Variants in GK observed in about 807,000 individuals in gnomAD.
The protein encoded by GK is glycerol kinase, also known as ATP:glycerol 3-phosphotransferase.
Under a neutral mutation model 56.4 loss-of-function variants are expected in GK, and 9 were observed. That is an observed-to-expected ratio of 0.16 (90% CI 0.10 to 0.28). The LOEUF (loss-of-function observed/expected upper bound fraction) is 0.28, where lower values mean the gene tolerates loss of function less well. GK is among the 10% of genes least tolerant of loss of function. The probability of loss-of-function intolerance (pLI) is 1.00; values close to 1 mark genes in which losing one functional copy is unlikely to be tolerated. For missense variants in GK, 161 were observed against 431.4 expected (o/e 0.37, Z 5.55); for synonymous variants, 104 against 144.1 (o/e 0.72, Z 1.99).
intron 13 of GK, among the ~76,000 whole-genome samples, chrX:30,712,436 T>A (rs1302753472): frequency 9.0e-6 from 1 of 111,559 alleles, no homozygotes; most frequent in Non-Finnish European, 1.9e-5. Flanking sequence ...AGTTTACTCA[T>A]CCTCTCTATC....
chrX:30,726,127 A>G (rs1282214112), intron 19 of GK, among the ~76,000 whole-genome samples: 1 of 111,714 alleles, frequency 9.0e-6, no homozygotes, highest in African/African-American at 3.3e-5. Context: ...AATTTAAAAT[A>G]CTAAGAAAAA....
At chrX:30,691,888 TATTGA>T (rs72443662) in intron 5 of GK, among the ~76,000 whole-genome samples, 4,134 of 111,099 alleles carry the variant, frequency 0.037, 203 homozygotes, top group African/African-American at 0.13. Flanking sequence ...TCTAGCCCTT[TATTGA>T]ACCCCTCTTC....
At chrX:30,664,093 T>C (rs1932893693) in intron 1 of GK, among the ~76,000 whole-genome samples, 1 of 36,396 alleles carries the variant, frequency 2.7e-5, no homozygotes, top group African/African-American at 1.1e-4. Context: ...TATATATATC[T>C]ATATATATTT....
chrX:30,699,660 G>A (rs762540202), intron 9 of GK, among the ~76,000 whole-genome samples: 4 of 110,160 alleles, frequency 3.6e-5, no homozygotes, highest in East Asian at 2.9e-4. Context: ...CACAGTGCCC[G>A]GCTGGGGATC....
chrX:30,677,275 A>T lies in GK; in HGVS notation c.260-100A>T. The T allele has an allele frequency of 7.2e-6, 4 of 554,793 alleles. No individual in the cohort carries two copies. The Admixed American group carries it at 9.4e-5, about 13-fold the overall frequency. The allele number at this position is 554,793 out of a possible 1,213,427, so 45.7% of individuals were successfully genotyped here. A position where few individuals can be genotyped will look rare whatever the true frequency, so the allele number is the denominator to read the frequency against. ...GTTTCAAGTATTTTTTTGATTTGCT[A>T]TGTTTAGTTGTGTCTCTAGTAAGAT... is the stretch of plus-strand genomic sequence containing the variant. On this transcript the variant is annotated intron_variant, in intron 3 of 20. Coordinates refer to ENST00000427190, the MANE Select transcript of GK (RefSeq NM_001205019.2).
At position 30,720,503 on chromosome X, in the gene GK, C is replaced by T. The variant is rs1936846504; in HGVS notation, c.1237-118C>T. 3 of 683,773 alleles carry T rather than the reference C, an allele frequency of 4.4e-6. No individual in the cohort carries two copies. The South Asian group carries it at 6.8e-5, about 16-fold the overall frequency. 56.4% of individuals were successfully genotyped at this position (683,773 alleles called of 1,213,427 possible). A position where few individuals can be genotyped will look rare whatever the true frequency, so the allele number is the denominator to read the frequency against. The stretch of plus-strand genomic sequence containing the variant: ...GGCTTAGAAGACCAGAATAAGAAGT[C>T]TCAATTTATTCCATAGGCTCTTGGA... On this transcript the variant is annotated intron_variant, in intron 16 of 20. Transcript: ENST00000427190.
chrX:30,696,580 A>T, intron 7 of GK, 37 bp from the exon 8 acceptor site: 1 of 966,483 alleles, frequency 1.0e-6, no homozygotes, highest in Non-Finnish European at 1.5e-6. Context: ...ATGTCTATTT[A>T]AAACAGTGTT....
At chrX:30,701,847 T>C (rs1042366800) in intron 11 of GK, among the ~76,000 whole-genome samples, 1 of 111,281 alleles carries the variant, frequency 9.0e-6, no homozygotes, top group African/African-American at 3.3e-5. Context: ...AGAAGATGAC[T>C]CCCACTTTAG....
intron 1 of GK, among the ~76,000 whole-genome samples, chrX:30,656,065 T>A (rs190312069): frequency 8.9e-6 from 1 of 112,160 alleles, no homozygotes; most frequent in Non-Finnish European, 1.9e-5. Context: ...AAAAAAACCG[T>A]AGAGATCCTG....
chrX:30,698,020 G>A (rs926521754), intron 9 of GK, among the ~76,000 whole-genome samples: 6 of 111,880 alleles, frequency 5.4e-5, no homozygotes, highest in Non-Finnish European at 1.1e-4. Context: ...CAACTGTGAT[G>A]TGCTTTGGGC....
intron 20 of GK, among the ~76,000 whole-genome samples, chrX:30,727,885 A>T (rs773069207): frequency 1.2e-4 from 13 of 111,854 alleles, no homozygotes; most frequent in Non-Finnish European, 2.3e-4. Context: ...TATACTTTTG[A>T]CATTAATTAA....
chrX:30,724,917 G>A (rs922903026), intron 19 of GK, among the ~76,000 whole-genome samples: 7 of 108,195 alleles, frequency 6.5e-5, no homozygotes, highest in Admixed American at 9.9e-5. Flanking sequence ...GTCTCGCTCC[G>A]TCACCCAGGC....
At chrX:30,669,949 AT>A (rs1933368405) in intron 3 of GK, among the ~76,000 whole-genome samples, 2 of 112,609 alleles carry the variant, frequency 1.8e-5, no homozygotes, top group Admixed American at 9.4e-5. Context: ...GTTATTGCAG[AT>A]TTTTTAAAAG....
At chrX:30,713,925 A>C (rs1235758644) in intron 13 of GK, among the ~76,000 whole-genome samples, 1 of 112,301 alleles carries the variant, frequency 8.9e-6, no homozygotes, top group East Asian at 2.8e-4. Flanking sequence ...AGATTTCCTG[A>C]GGCCAGGGTA....
In GK at chrX:30,696,655, G is replaced by A. The variant is rs868370442; in HGVS notation, c.701G>A (p.Arg234Gln). Residue 234 changes from arginine to glutamine, a missense_variant, in exon 8 of 21, where the codon CGG (arginine) becomes CAG (glutamine). Physicochemically the swap from Arg to Gln is conservative, Grantham distance 43 (BLOSUM62 1). Transcript: ENST00000427190. Reference sequence around the variant, plus strand: ...CCAATGGAAATTCTTCCAAATGTCCGGAGTTCTTCTGAGATCTATGGCCTA... The same window carrying A: ...CCAATGGAAATTCTTCCAAATGTCCAGAGTTCTTCTGAGATCTATGGCCTA... ...GIPMEILPNV[R>Q]SSSEIYGLMK... 4 of 1,196,984 alleles carry A rather than the reference G, an allele frequency of 3.3e-6. No homozygotes were observed. Among genetic ancestry groups the A allele is most frequent in the Admixed American group, 4.4e-5 (2 of 45,382 alleles).
intron 4 of GK, among the ~76,000 whole-genome samples, chrX:30,683,297 C>T (rs181646275): frequency 2.1e-4 from 23 of 111,011 alleles, no homozygotes; most frequent in African/African-American, 6.2e-4. Context: ...CTCAAGTGAT[C>T]CTCCCATCTC....
At chrX:30,688,857 A>G (rs933308703) in intron 4 of GK, among the ~76,000 whole-genome samples, 1 of 112,216 alleles carries the variant, frequency 8.9e-6, no homozygotes, top group African/African-American at 3.2e-5. Context: ...ATGTCCATTA[A>G]AATATGAAAA....
At chrX:30,708,464 T>C (rs1461710380) in intron 13 of GK, among the ~76,000 whole-genome samples, 1 of 110,701 alleles carries the variant, frequency 9.0e-6, no homozygotes, top group Non-Finnish European at 1.9e-5. Context: ...TTCTTTCATC[T>C]TGAAAATTCT....
intron 3 of GK, among the ~76,000 whole-genome samples, chrX:30,676,034 A>G (rs1933874844): frequency 8.9e-6 from 1 of 111,966 alleles, no homozygotes; most frequent in Admixed American, 9.4e-5. Flanking sequence ...CAGATGATCC[A>G]CCTGCCTCGG....
Sources: allele counts gnomAD v4.1 joint callset (sites outside exome capture counted in the v4.1 genomes callset), GRCh38; gene constraint gnomAD v4.1.1; transcripts MANE v1.5; gene names NCBI Gene and HGNC (gene_info 2026-07-23, HGNC 2026-07-21).